PID1: variants seen among roughly 807,000 people sequenced by gnomAD.
The protein encoded by PID1 is PTB-containing, cubilin and LRP1-interacting protein.
A neutral mutation model predicts 19.1 loss-of-function variants in PID1; 10 were observed. That is an observed-to-expected ratio of 0.52 (90% CI 0.32 to 0.89). PID1 has a LOEUF of 0.89. Ranked by LOEUF, PID1 falls within the 40% of genes least tolerant of loss-of-function variation. The pLI, the probability that PID1 is intolerant of heterozygous loss-of-function variation, is 0.03. For missense variants in PID1, 248 were observed against 285.3 expected (o/e 0.87, Z 0.94); for synonymous variants, 130 against 116.0 (o/e 1.12, Z -0.78).
chr2:229,129,702 C>G (rs936612925), intron 2 of PID1, among the ~76,000 whole-genome samples: 4 of 152,108 alleles, frequency 2.6e-5, no homozygotes, highest in African/African-American at 9.7e-5. Flanking sequence ...CTATTTGTCC[C>G]TTTTCCCCCC....
At chr2:229,258,076 T>C (rs561444492) in intron 1 of PID1, among the ~76,000 whole-genome samples, 4 of 152,272 alleles carry the variant, frequency 2.6e-5, no homozygotes, top group Admixed American at 1.3e-4. Context: ...CTACTGGCCA[T>C]GGAGGCTGGA....
intron 2 of PID1, among the ~76,000 whole-genome samples, chr2:229,032,033 A>C (rs1245423859): frequency 6.6e-6 from 1 of 152,066 alleles, no homozygotes; most frequent in African/African-American, 2.4e-5. Flanking sequence ...AGGGAAATTG[A>C]GTAAAAACTT....
chr2:229,184,993 C>A (rs1288390878), intron 1 of PID1, among the ~76,000 whole-genome samples: 1 of 114,088 alleles, frequency 8.8e-6, no homozygotes, highest in Admixed American at 9.7e-5. Context: ...CTATATATAT[C>A]CCATATATAT....
chr2:229,207,525 C>T (rs951002275), intron 1 of PID1, among the ~76,000 whole-genome samples: 8 of 149,178 alleles, frequency 5.4e-5, no homozygotes, highest in Non-Finnish European at 1.2e-4. Context: ...CGACCTCAAT[C>T]TGAGGTAAAA....
At chr2:229,203,394 C>T (rs1052468470) in intron 1 of PID1, among the ~76,000 whole-genome samples, 6 of 151,938 alleles carry the variant, frequency 3.9e-5, no homozygotes, top group South Asian at 2.1e-4. Flanking sequence ...CAACTTTAAG[C>T]GAAACATACA....
chr2:229,234,154 G>A (rs963860246), intron 1 of PID1, among the ~76,000 whole-genome samples: 14 of 152,160 alleles, frequency 9.2e-5, no homozygotes, highest in Admixed American at 2.0e-4. Flanking sequence ...AGGAATTAGA[G>A]ACATTGAGCC....
At chr2:229,096,864 A>G (rs1306670892) in intron 2 of PID1, among the ~76,000 whole-genome samples, 1 of 152,182 alleles carries the variant, frequency 6.6e-6, no homozygotes. Context: ...ATCTCAAGAC[A>G]AGGGCTCTGC....
intron 2 of PID1, among the ~76,000 whole-genome samples, chr2:229,049,652 T>A (rs983436694): frequency 2.0e-5 from 3 of 152,120 alleles, no homozygotes; most frequent in African/African-American, 7.2e-5. Context: ...ATAAGAGACA[T>A]GTTCTCATTT....
At chr2:229,047,879 T>C (rs1324949915) in intron 2 of PID1, among the ~76,000 whole-genome samples, 1 of 152,222 alleles carries the variant, frequency 6.6e-6, no homozygotes, top group African/African-American at 2.4e-5. Flanking sequence ...ATGGCTTGGC[T>C]TTAAGAAGCT....
At chr2:229,169,439 T>C (rs1690666176) in intron 1 of PID1, among the ~76,000 whole-genome samples, 1 of 152,222 alleles carries the variant, frequency 6.6e-6, no homozygotes. Context: ...ATTTTTCTTA[T>C]TGGTAAAATG....
At chr2:229,030,705 C>T (rs768204485) in intron 2 of PID1, among the ~76,000 whole-genome samples, 5 of 151,994 alleles carry the variant, frequency 3.3e-5, no homozygotes, top group East Asian at 1.9e-4. Flanking sequence ...CAATGAAAAC[C>T]GATTTCATAG....
intron 2 of PID1, among the ~76,000 whole-genome samples, chr2:229,068,630 T>G (rs1296336767): frequency 6.6e-6 from 1 of 152,306 alleles, no homozygotes. Flanking sequence ...TCTGACTTCC[T>G]TGAGGTGAAA....
chr2:229,235,008 T>C (rs1279160816), intron 1 of PID1, among the ~76,000 whole-genome samples: 1 of 152,154 alleles, frequency 6.6e-6, no homozygotes, highest in Non-Finnish European at 1.5e-5. Context: ...GAAATAACAG[T>C]TGTGATACTA....
intron 2 of PID1, among the ~76,000 whole-genome samples, chr2:229,108,528 A>G (rs1290914094): frequency 6.6e-6 from 1 of 152,216 alleles, no homozygotes; most frequent in Non-Finnish European, 1.5e-5. Flanking sequence ...CCTACCTGGG[A>G]GGATCAGAGA....
intron 1 of PID1, among the ~76,000 whole-genome samples, chr2:229,197,390 G>A (rs16825850): frequency 0.023 from 3,540 of 152,038 alleles, 58 homozygotes; most frequent in South Asian, 0.057. Flanking sequence ...TCTATCCAGT[G>A]AAGTACCACT....
At chr2:229,113,354 T>C (rs1304118232) in intron 2 of PID1, among the ~76,000 whole-genome samples, 1 of 149,300 alleles carries the variant, frequency 6.7e-6, no homozygotes, top group East Asian at 2.0e-4. Context: ...CTTAGGCAAA[T>C]TACTTTTAAT....
intron 2 of PID1, among the ~76,000 whole-genome samples, chr2:229,035,818 C>A (rs1054294615): frequency 6.6e-5 from 10 of 152,136 alleles, no homozygotes; most frequent in Non-Finnish European, 8.8e-5. Context: ...CAGCAAAAAG[C>A]AATAGGCACC....
intron 2 of PID1, among the ~76,000 whole-genome samples, chr2:229,028,638 T>C (rs942427445): frequency 6.6e-6 from 1 of 152,088 alleles, no homozygotes. Flanking sequence ...GTGGACTGAA[T>C]AAAGAAAATG....
At chr2:229,268,613 G>C (rs189012994) in intron 1 of PID1, among the ~76,000 whole-genome samples, 1 of 152,196 alleles carries the variant, frequency 6.6e-6, no homozygotes, top group Non-Finnish European at 1.5e-5. Flanking sequence ...AGATAAATGA[G>C]AAAAAAATTA....
Sources: gnomAD v4.1 joint callset for allele counts (sites outside exome capture counted in the v4.1 genomes callset) on GRCh38, gnomAD v4.1.1 for gene constraint, MANE v1.5 for transcripts, NCBI Gene and HGNC (gene_info 2026-07-23, HGNC 2026-07-21) for gene names.